SDC1: variants seen among roughly 807,000 people sequenced by gnomAD.
The protein encoded by SDC1 is syndecan-1.
Under a neutral mutation model 29.7 loss-of-function variants are expected in SDC1, and 14 were observed. The ratio of observed to expected loss-of-function variants is 0.47; its 90% CI spans 0.31 to 0.74. The LOEUF is 0.74. Among genes scored for constraint, SDC1 ranks in the 30% least tolerant of loss-of-function variants. The probability of loss-of-function intolerance (pLI) is 0.05; values close to 1 mark genes in which losing one functional copy is unlikely to be tolerated. For missense variants in SDC1, 406 were observed against 400.3 expected (o/e 1.01, Z -0.12); for synonymous variants, 204 against 175.5 (o/e 1.16, Z -1.29).
At chr2:20,213,029 C>T (rs762582750) in intron 1 of SDC1, among the ~76,000 whole-genome samples, 4 of 152,182 alleles carry the variant, frequency 2.6e-5, no homozygotes, top group Non-Finnish European at 5.9e-5. Context: ...GGGCTTTTTG[C>T]CCTGCACCGC....
intron 1 of SDC1, 38 bp from the exon 2 acceptor site, chr2:20,205,462 G>A: frequency 6.4e-7 from 1 of 1,563,912 alleles, no homozygotes; most frequent in South Asian, 1.1e-5. Context: ...GTAAAGGCTT[G>A]GCCGGGTCTC....
chr2:20,225,383 C>G (rs192854002), upstream of SDC1: 117 of 152,438 alleles, frequency 7.7e-4, 2 homozygotes, highest in East Asian at 0.019. Context: ...AGGCGCACCC[C>G]CTTCTGCCCG....
In SDC1 at chr2:20,224,056, G is replaced by C. The variant is rs1677909927; in HGVS notation, c.66+746C>G. On this transcript the variant is annotated intron_variant, in intron 1 of 4. Coordinates refer to ENST00000254351, the MANE Select transcript of SDC1 (RefSeq NM_002997.5). This position sits in a 1 kb window ranked among gnomAD's most constrained non-coding sequence, Gnocchi z 4.9. ...CTCGCGTGGAAGGCGCCTGCGCCTC[G>C]GCCGTGCCCGGCACGGGAACGCGCC... is the stretch of plus-strand genomic sequence containing the variant. 3.9e-6 allele frequency: 1 copy of C among 257,216 alleles called. No homozygotes were observed. Among genetic ancestry groups the C allele is most frequent in the South Asian group, 2.7e-5 (1 of 36,904 alleles). The allele number at this position is 257,216 out of a possible 1,614,324, so 15.9% of individuals were successfully genotyped here. A position where few individuals can be genotyped will look rare whatever the true frequency, so the allele number is the denominator to read the frequency against.
intron 1 of SDC1, among the ~76,000 whole-genome samples, chr2:20,219,977 G>C (rs906724004): frequency 4.6e-5 from 7 of 152,198 alleles, no homozygotes; most frequent in Non-Finnish European, 8.8e-5. Context: ...TGTTTCCCCA[G>C]CGCCCAAGGT....
At chr2:20,219,049 A>G (rs1464256186) in intron 1 of SDC1, among the ~76,000 whole-genome samples, 2 of 152,302 alleles carry the variant, frequency 1.3e-5, no homozygotes, top group East Asian at 3.9e-4. Context: ...GCGCAGCAGG[A>G]GAGGTCGCTG....
At chr2:20,207,633 A>G (rs568924779) in intron 1 of SDC1, among the ~76,000 whole-genome samples, 86 of 152,318 alleles carry the variant, frequency 5.6e-4, no homozygotes, top group African/African-American at 1.9e-3. Context: ...TGAATCCGGG[A>G]GGCAAGAGGT....
chr2:20,221,400 C>T (rs1446615790), intron 1 of SDC1, among the ~76,000 whole-genome samples: 1 of 152,172 alleles, frequency 6.6e-6, no homozygotes, highest in Non-Finnish European at 1.5e-5. Flanking sequence ...ACAGAGCAAC[C>T]TGGGGCACCA....
rs977115194 is a variant in SDC1, at chr2:20,203,216, T to A, written c.634A>T (p.Thr212Ser). The change falls in exon 4 of 5, where the codon ACC (threonine) becomes TCC (serine). Residue 212 changes from threonine (T) to serine (S), a missense_variant. Physicochemically the swap from Thr to Ser is moderately conservative, Grantham distance 58. Transcript: ENST00000254351. Reference sequence around the variant, plus strand: ...GTATTCTCCCCCGAGGTTTCAAAGGTGAAGTCCTGTGGGAGGGCAGGGGCA... The same window carrying A: ...GTATTCTCCCCCGAGGTTTCAAAGGAGAAGTCCTGTGGGAGGGCAGGGGCA... ...AAEGSGEQDF[T>S]FETSGENTAV... The A allele has an allele frequency of 1.1e-5, 18 of 1,604,382 alleles. No homozygotes were observed. The highest frequency in any genetic ancestry group is 1.5e-5 in the Non-Finnish European group (18 of 1,173,412).
chr2:20,202,547 C>T lies in SDC1; in HGVS notation c.*219G>A, dbSNP rs1013344933. 14 of 600,646 alleles carry T rather than the reference C, an allele frequency of 2.3e-5. No homozygotes were observed. Among genetic ancestry groups the T allele is most frequent in the African/African-American group, 3.7e-5 (2 of 53,886 alleles). 37.2% of individuals were successfully genotyped at this position (600,646 alleles called of 1,614,324 possible). A position where few individuals can be genotyped will look rare whatever the true frequency, so the allele number is the denominator to read the frequency against. On this transcript the variant is annotated 3_prime_UTR_variant, in exon 5 of 5. Transcript: ENST00000254351. Reference sequence around the variant, plus strand: ...CTGGCTGTGGTGGAAAGGTCCTATGCGAGAAACCCCTGGTGCCCTAAGTCT... The same window carrying T: ...CTGGCTGTGGTGGAAAGGTCCTATGTGAGAAACCCCTGGTGCCCTAAGTCT...
intron 3 of SDC1, 93 bp from the exon 4 acceptor site, chr2:20,203,315 C>T: frequency 3.5e-6 from 5 of 1,426,790 alleles, no homozygotes; most frequent in East Asian, 4.8e-5. Context: ...CTCCTGCCTC[C>T]CTGATCTTTG....
chr2:20,218,929 T>A (rs1222916825), intron 1 of SDC1, among the ~76,000 whole-genome samples: 1 of 152,052 alleles, frequency 6.6e-6, no homozygotes, highest in Non-Finnish European at 1.5e-5. Context: ...AGGAGGCCCA[T>A]CCTCTACACA....
Position 20,224,879 on chromosome 2 carries a change from C to T in SDC1, c.-12G>A, listed in dbSNP as rs1677942131. ...GCCGCGCGCCTCATGCTGCCCGGAC[C>T]GGCGGCGGGAGAGCGGCAGGCTGCG... On this transcript the variant is annotated 5_prime_UTR_variant, in exon 1 of 5. Coordinates refer to ENST00000254351, the MANE Select transcript of SDC1 (RefSeq NM_002997.5). This position sits in a 1 kb window ranked among gnomAD's most constrained non-coding sequence, Gnocchi z 4.9. 1.6e-6 allele frequency: 2 copies of T among 1,220,150 alleles called. No homozygotes were observed. The highest frequency in any genetic ancestry group is 2.0e-6 in the Non-Finnish European group (2 of 981,550). The allele number at this position is 1,220,150 out of a possible 1,614,324, so 75.6% of individuals were successfully genotyped here. A position where few individuals can be genotyped will look rare whatever the true frequency, so the allele number is the denominator to read the frequency against.
At chr2:20,207,272 G>T in intron 1 of SDC1, 1 of 288,756 alleles carries the variant, frequency 3.5e-6, no homozygotes, top group Non-Finnish European at 5.2e-6. Context: ...CCTTTGAAAG[G>T]ACAAAAGCTA....
intron 1 of SDC1, chr2:20,207,824 A>G (rs1174860395): frequency 9.4e-6 from 4 of 426,236 alleles, no homozygotes; most frequent in African/African-American, 8.6e-5. Flanking sequence ...CTGCCTTCCC[A>G]GAGCTCTGAA....
intron 1 of SDC1, among the ~76,000 whole-genome samples, chr2:20,214,411 G>A (rs1677570178): frequency 6.6e-6 from 1 of 152,192 alleles, no homozygotes; most frequent in Non-Finnish European, 1.5e-5. Flanking sequence ...TGGTTTGGGG[G>A]ATGGGAGACA....
At position 20,202,428 on chromosome 2, in the gene SDC1, A is replaced by C. The variant is rs760573015; in HGVS notation, c.*338T>G. ...CAGCCACATGAGGCCATTTAGGTCC[A>C]AAGCAGTCGGATCCCCCTCCCCTCC... On this transcript the variant is annotated 3_prime_UTR_variant, in exon 5 of 5. Transcript: ENST00000254351. The C allele has an allele frequency of 3.8e-5, 24 of 625,458 alleles. No homozygotes were observed. The highest frequency in any genetic ancestry group is 6.1e-5 in the Non-Finnish European group (21 of 346,852). 38.7% of individuals were successfully genotyped at this position (625,458 alleles called of 1,614,324 possible).
chr2:20,202,355 G>GT lies in SDC1; in HGVS notation c.*410dup. Reference sequence around the variant, plus strand: ...CCCCCCAAGATGCTTGGTCCTACCAGTAAGTGCTACAGGTGTGTGAGCCCC... The same window carrying GT: ...CCCCCCAAGATGCTTGGTCCTACCAGTTAAGTGCTACAGGTGTGTGAGCCCC... On this transcript the variant is annotated 3_prime_UTR_variant, in exon 5 of 5. Coordinates refer to ENST00000254351, the MANE Select transcript of SDC1 (RefSeq NM_002997.5). The GT allele has an allele frequency of 1.3e-6, 1 of 765,174 alleles. No homozygotes were observed. 47.4% of individuals were successfully genotyped at this position (765,174 alleles called of 1,614,324 possible).
chr2:20,216,667 C>G (rs899524431), intron 1 of SDC1, among the ~76,000 whole-genome samples: 1 of 152,198 alleles, frequency 6.6e-6, no homozygotes, highest in East Asian at 1.9e-4. Context: ...GGAGCATCAG[C>G]GGCCACCACT....
At chr2:20,220,682 C>T (rs1456094932) in intron 1 of SDC1, among the ~76,000 whole-genome samples, 3 of 152,156 alleles carry the variant, frequency 2.0e-5, no homozygotes, top group African/African-American at 7.2e-5. Flanking sequence ...ATGATGTCCG[C>T]TTTACAGATG....
Sources: gnomAD v4.1 joint callset for allele counts (sites outside exome capture counted in the v4.1 genomes callset) on GRCh38, gnomAD v4.1.1 for gene constraint, Gnocchi (gnomAD v3.1) non-coding constraint, MANE v1.5 for transcripts, NCBI Gene and HGNC (gene_info 2026-07-23, HGNC 2026-07-21) for gene names.